Variants in NCAM2 observed in about 807,000 individuals in gnomAD.
NCAM2 encodes the protein N-CAM-2.
Under a neutral mutation model 98.1 loss-of-function variants are expected in NCAM2, and 30 were observed. The observed-to-expected ratio is 0.31, with a 90% CI of 0.23 to 0.41. The LOEUF is 0.41. NCAM2 is among the 10% of genes least tolerant of loss of function. The pLI is 1.00. For synonymous variants in NCAM2, 368 were observed against 342.4 expected (o/e 1.07, Z -0.83); for missense variants, 867 against 1,005.8 (o/e 0.86, Z 1.87).
chr21:21,433,602 A>G (rs941283586), intron 12 of NCAM2, among the ~76,000 whole-genome samples: 3 of 151,094 alleles, frequency 2.0e-5, no homozygotes, highest in Non-Finnish European at 4.4e-5. Context: ...AATTAGACGG[A>G]TGTGGTGGCA....
At chr21:21,385,968 A>G (rs185116696) in intron 9 of NCAM2, among the ~76,000 whole-genome samples, 28 of 152,222 alleles carry the variant, frequency 1.8e-4, no homozygotes, top group Admixed American at 6.5e-4. Flanking sequence ...CTCCTTAGAC[A>G]TAATGGTGAT....
At chr21:21,332,291 T>C (rs1235680989) in intron 6 of NCAM2, among the ~76,000 whole-genome samples, 1 of 152,168 alleles carries the variant, frequency 6.6e-6, no homozygotes, top group African/African-American at 2.4e-5. Context: ...CTTTGTTTTA[T>C]AGATGCAGTT....
intron 7 of NCAM2, 29 bp from the exon 8 acceptor site, chr21:21,338,360 C>T (rs2298578): frequency 0.026 from 42,052 of 1,588,738 alleles, 1,456 homozygotes; most frequent in East Asian, 0.19. Flanking sequence ...CCTCCAATAC[C>T]GGTTGAGTAA....
chr21:21,536,526 G>A (rs1237266533), intron 17 of NCAM2, among the ~76,000 whole-genome samples: 2 of 151,728 alleles, frequency 1.3e-5, no homozygotes, highest in Non-Finnish European at 2.9e-5. Context: ...CGAATAGCTG[G>A]GATTACAGGC....
intron 1 of NCAM2, among the ~76,000 whole-genome samples, chr21:21,131,533 A>G (rs2066936328): frequency 1.3e-5 from 2 of 152,204 alleles, no homozygotes; most frequent in Non-Finnish European, 2.9e-5. Context: ...TTGGCCTCCC[A>G]AAGTGTTGGG....
chr21:21,534,742 TATTA>T, intron 17 of NCAM2, 86 bp downstream of exon 17: 3 of 1,153,942 alleles, frequency 2.6e-6, no homozygotes, highest in Non-Finnish European at 3.4e-6. Context: ...CATATTTAAA[TATTA>T]ATTATTTGTA....
intron 15 of NCAM2, among the ~76,000 whole-genome samples, chr21:21,486,954 G>A (rs1986441579): frequency 6.6e-6 from 1 of 152,062 alleles, no homozygotes; most frequent in Non-Finnish European, 1.5e-5. Context: ...TCTGTCATTT[G>A]GCCAAATGTT....
intron 1 of NCAM2, among the ~76,000 whole-genome samples, chr21:21,031,505 T>G (rs1294498931): frequency 6.6e-6 from 1 of 152,162 alleles, no homozygotes; most frequent in Non-Finnish European, 1.5e-5. Context: ...CTGATTTTAT[T>G]GCCTGTGCAG....
intron 8 of NCAM2, among the ~76,000 whole-genome samples, chr21:21,368,148 A>G (rs960986680): frequency 2.0e-5 from 3 of 151,946 alleles, no homozygotes; most frequent in Non-Finnish European, 4.4e-5. Context: ...GTATTAAAAT[A>G]TGGGTACTTA....
At chr21:21,079,298 T>C (rs1485534010) in intron 1 of NCAM2, among the ~76,000 whole-genome samples, 1 of 104,506 alleles carries the variant, frequency 9.6e-6, no homozygotes, top group Non-Finnish European at 2.2e-5. Context: ...TTTGCTTTTA[T>C]CTTTCTTAAG....
At chr21:21,268,736 C>T (rs909859070) in intron 1 of NCAM2, among the ~76,000 whole-genome samples, 3 of 152,178 alleles carry the variant, frequency 2.0e-5, no homozygotes, top group African/African-American at 7.2e-5. Flanking sequence ...TTGCCTCCTC[C>T]AACCTGGAAG....
intron 11 of NCAM2, among the ~76,000 whole-genome samples, chr21:21,427,367 T>C (rs1000273407): frequency 6.6e-6 from 1 of 152,026 alleles, no homozygotes; most frequent in African/African-American, 2.4e-5. Flanking sequence ...CATTCAGAGA[T>C]GAAGGGTTTA....
At chr21:21,218,374 G>T (rs563345294) in intron 1 of NCAM2, among the ~76,000 whole-genome samples, 1 of 152,202 alleles carries the variant, frequency 6.6e-6, no homozygotes, top group South Asian at 2.1e-4. Flanking sequence ...GTTCAATACG[G>T]AGGGCCACAA....
chr21:21,394,757 G>A (rs764236594), intron 9 of NCAM2, among the ~76,000 whole-genome samples: 1 of 151,896 alleles, frequency 6.6e-6, no homozygotes, highest in Non-Finnish European at 1.5e-5. Context: ...AAAGTGCTGG[G>A]CCAGCTTCTT....
intron 1 of NCAM2, among the ~76,000 whole-genome samples, chr21:21,104,519 G>A (rs2066306332): frequency 6.6e-6 from 1 of 152,044 alleles, no homozygotes; most frequent in South Asian, 2.1e-4. Context: ...TTGCTCTTGT[G>A]AAGCATATAT....
intron 1 of NCAM2, among the ~76,000 whole-genome samples, chr21:21,113,957 A>G (rs1005982362): frequency 1.3e-5 from 2 of 152,244 alleles, no homozygotes; most frequent in East Asian, 3.9e-4. Flanking sequence ...AAGGTCCAAA[A>G]GTTCCATATA....
chr21:21,350,797 T>C (rs546897183), intron 8 of NCAM2, among the ~76,000 whole-genome samples: 80 of 152,162 alleles, frequency 5.3e-4, no homozygotes, highest in African/African-American at 1.9e-3. Context: ...AAATGTTTTC[T>C]AATATCTAGG....
intron 1 of NCAM2, among the ~76,000 whole-genome samples, chr21:21,235,238 C>A (rs993301190): frequency 6.6e-6 from 1 of 151,662 alleles, no homozygotes; most frequent in Non-Finnish European, 1.5e-5. Flanking sequence ...AAAATCAATT[C>A]AATTTTTTAT....
chr21:21,328,079 G>A (rs2074567501), intron 6 of NCAM2, among the ~76,000 whole-genome samples: 1 of 151,886 alleles, frequency 6.6e-6, no homozygotes, highest in Non-Finnish European at 1.5e-5. Context: ...TGATACACAG[G>A]CATGCCCAGC....
Sources: allele counts gnomAD v4.1 joint callset (sites outside exome capture counted in the v4.1 genomes callset), GRCh38; gene constraint gnomAD v4.1.1; transcripts MANE v1.5; gene names NCBI Gene and HGNC (gene_info 2026-07-23, HGNC 2026-07-21).